Variants in ROBO1 observed in about 807,000 individuals in gnomAD.
ROBO1 encodes roundabout homolog 1.
A neutral mutation model predicts 195.9 loss-of-function variants in ROBO1; 149 were observed. The ratio of observed to expected loss-of-function variants is 0.76; its 90% CI spans 0.67 to 0.87. ROBO1 has a LOEUF of 0.87. Ranked by LOEUF, ROBO1 falls within the 40% of genes least tolerant of loss-of-function variation. The pLI, the probability that ROBO1 is intolerant of heterozygous loss-of-function variation, is 0.00. For missense variants in ROBO1, 1,933 were observed against 2,068.3 expected, an observed-to-expected ratio of 0.93 and a Z score of 1.27; for synonymous variants, 816 against 733.2, an observed-to-expected ratio of 1.11 and a Z score of -1.82.
intron 4 of ROBO1, among the ~76,000 whole-genome samples, chr3:78,806,184 G>C (rs949862744): frequency 6.6e-6 from 1 of 151,920 alleles, no homozygotes; most frequent in Non-Finnish European, 1.5e-5. Flanking sequence ...ATGTTAACCA[G>C]GCTAGCCTTA....
chr3:78,899,059 T>C (rs1021485471), intron 4 of ROBO1, among the ~76,000 whole-genome samples: 1 of 152,206 alleles, frequency 6.6e-6, no homozygotes, highest in Non-Finnish European at 1.5e-5. Context: ...ATTTCCAATG[T>C]CCTGTGCTAG....
chr3:79,292,957 G>T (rs1006030170), intron 2 of ROBO1, among the ~76,000 whole-genome samples: 4 of 152,146 alleles, frequency 2.6e-5, no homozygotes, highest in Non-Finnish European at 5.9e-5. Flanking sequence ...AATGGTACCA[G>T]CTCCTCTTTG....
chr3:78,846,579 A>G (rs571038443), intron 4 of ROBO1, among the ~76,000 whole-genome samples: 2 of 152,270 alleles, frequency 1.3e-5, no homozygotes, highest in East Asian at 3.9e-4. Flanking sequence ...TATAAATAGA[A>G]TATTTGAAAA....
At chr3:79,530,715 T>C (rs753685849) in intron 2 of ROBO1, among the ~76,000 whole-genome samples, 4 of 151,374 alleles carry the variant, frequency 2.6e-5, no homozygotes, top group Admixed American at 6.6e-5. Flanking sequence ...CTGCATGATG[T>C]TTTTGAATTA....
chr3:79,592,480 T>C (rs1003251571), intron 1 of ROBO1, among the ~76,000 whole-genome samples: 2 of 152,146 alleles, frequency 1.3e-5, no homozygotes, highest in African/African-American at 4.8e-5. Flanking sequence ...GAAATGGGAA[T>C]TGCATTATTA....
chr3:79,423,307 A>T (rs527480225), intron 2 of ROBO1, among the ~76,000 whole-genome samples: 8 of 152,262 alleles, frequency 5.3e-5, no homozygotes, highest in African/African-American at 1.7e-4. Context: ...GGATCTAAAG[A>T]GCTATCAAAA....
intron 2 of ROBO1, among the ~76,000 whole-genome samples, chr3:79,232,148 C>T (rs2082331239): frequency 6.6e-6 from 1 of 151,508 alleles, no homozygotes. Context: ...CATCAAATCC[C>T]CTTGACACAA....
intron 3 of ROBO1, among the ~76,000 whole-genome samples, chr3:78,992,803 T>C (rs896859346): frequency 6.6e-6 from 1 of 152,160 alleles, no homozygotes; most frequent in South Asian, 2.1e-4. Flanking sequence ...AAGACATTCA[T>C]GAAATTCAAG....
chr3:78,668,898 T>C (rs985301254), intron 11 of ROBO1, among the ~76,000 whole-genome samples: 1 of 152,186 alleles, frequency 6.6e-6, no homozygotes, highest in Non-Finnish European at 1.5e-5. Context: ...ATGGCTAAGA[T>C]ATATCTTTAT....
At chr3:79,360,339 G>A (rs932070273) in intron 2 of ROBO1, among the ~76,000 whole-genome samples, 4 of 151,856 alleles carry the variant, frequency 2.6e-5, no homozygotes, top group East Asian at 1.9e-4. Context: ...TTAACTATCC[G>A]TGAATAAATT....
At chr3:79,597,693 A>G (rs920921850) in intron 1 of ROBO1, among the ~76,000 whole-genome samples, 1 of 152,064 alleles carries the variant, frequency 6.6e-6, no homozygotes, top group Non-Finnish European at 1.5e-5. Flanking sequence ...CTTCACTTAT[A>G]TACTTGGATT....
intron 1 of ROBO1, among the ~76,000 whole-genome samples, chr3:79,642,020 T>A (rs952127798): frequency 3.0e-4 from 45 of 152,074 alleles, no homozygotes; most frequent in African/African-American, 1.0e-3. Context: ...GACTGTTTTG[T>A]TTTGTTTTTT....
At chr3:78,689,985 T>C (rs1293830947) in intron 8 of ROBO1, among the ~76,000 whole-genome samples, 1 of 148,570 alleles carries the variant, frequency 6.7e-6, no homozygotes, top group Non-Finnish European at 1.5e-5. Context: ...AATATACATA[T>C]ATATGTAAAA....
chr3:78,947,241 C>T (rs991257982), intron 3 of ROBO1, among the ~76,000 whole-genome samples: 2 of 152,308 alleles, frequency 1.3e-5, no homozygotes, highest in Non-Finnish European at 2.9e-5. Context: ...CACCACACCA[C>T]ACCTACTCCA....
intron 4 of ROBO1, among the ~76,000 whole-genome samples, chr3:78,867,754 G>A (rs568100288): frequency 1.3e-5 from 2 of 152,208 alleles, no homozygotes; most frequent in South Asian, 4.1e-4. Context: ...ATGCCTTCCA[G>A]CTTTTTTAAA....
chr3:78,704,231 G>A (rs765417693), intron 8 of ROBO1, among the ~76,000 whole-genome samples: 1 of 152,104 alleles, frequency 6.6e-6, no homozygotes, highest in African/African-American at 2.4e-5. Flanking sequence ...TAAGGAAGCT[G>A]TTCCAACAAA....
chr3:78,889,178 T>C (rs554416525), intron 4 of ROBO1, among the ~76,000 whole-genome samples: 1 of 152,334 alleles, frequency 6.6e-6, no homozygotes, highest in South Asian at 2.1e-4. Context: ...GATGCTTTGG[T>C]AAAATATTGT....
chr3:79,738,498 A>C (rs1002620002), intron 1 of ROBO1, among the ~76,000 whole-genome samples: 1 of 152,160 alleles, frequency 6.6e-6, no homozygotes, highest in Non-Finnish European at 1.5e-5. Flanking sequence ...TCCAGTTAGA[A>C]AATAATAAAA....
chr3:79,377,937 T>C (rs2036439992), intron 2 of ROBO1, among the ~76,000 whole-genome samples: 1 of 152,146 alleles, frequency 6.6e-6, no homozygotes, highest in African/African-American at 2.4e-5. Flanking sequence ...TGAGCAGACT[T>C]TGCATGACAA....
Sources: allele counts gnomAD v4.1 joint callset (sites outside exome capture counted in the v4.1 genomes callset), GRCh38; gene constraint gnomAD v4.1.1; transcripts MANE v1.5; gene names NCBI Gene and HGNC (gene_info 2026-07-23, HGNC 2026-07-21).